GPR180: variants seen among roughly 807,000 people sequenced by gnomAD.
The protein encoded by GPR180 is integral membrane protein GPR180.
A neutral mutation model predicts 52.6 loss-of-function variants in GPR180; 53 were observed. The observed-to-expected ratio is 1.01, with a 90% confidence interval of 0.81 to 1.27. GPR180 has a LOEUF of 1.27. Ranked by LOEUF, GPR180 falls within the 50% of genes most tolerant of loss-of-function variation. The pLI, the probability that GPR180 is intolerant of heterozygous loss-of-function variation, is 0.00. For synonymous variants in GPR180, 200 were observed against 193.1 expected (o/e 1.04, Z -0.30); for missense variants, 533 against 527.0 (o/e 1.01, Z -0.11).
chr13:94,605,649 A>C (rs1889619934), intron 2 of GPR180, 100 bp downstream of exon 2: 4 of 944,098 alleles, frequency 4.2e-6, no homozygotes, highest in South Asian at 1.9e-5. Flanking sequence ...TCCTGACAGC[A>C]TAATCCCACT....
chr13:94,630,175 G>A lies in GPR180; in HGVS notation c.*3004G>A, dbSNP rs1889976249. ...TTTTCCTCTGTGATCTGAAAGTAGT[G>A]TGGTAGAAGCACCGTAGCTTGATTT... On this transcript the variant is annotated 3_prime_UTR_variant, in exon 9 of 9. Coordinates refer to ENST00000376958, the MANE Select transcript of GPR180 (RefSeq NM_180989.6). The A allele has an allele frequency of 6.6e-6, 1 of 152,204 alleles. No individual in the cohort carries two copies. The highest frequency in any genetic ancestry group is 6.5e-5 in the Admixed American group (1 of 15,288). 9.4% of individuals were successfully genotyped at this position (152,204 alleles called of 1,614,324 possible).
intron 3 of GPR180, among the ~76,000 whole-genome samples, chr13:94,616,623 A>G (rs1382015027): frequency 6.6e-6 from 1 of 152,362 alleles, no homozygotes; most frequent in East Asian, 1.9e-4. Flanking sequence ...GCTCATTAAG[A>G]GTATTTTTCT....
At chr13:94,624,079 A>G (rs1889891520) in intron 7 of GPR180, among the ~76,000 whole-genome samples, 1 of 152,172 alleles carries the variant, frequency 6.6e-6, no homozygotes, top group Admixed American at 6.5e-5. Flanking sequence ...CCCCATCCAC[A>G]TGAGATCGTG....
At chr13:94,609,457 T>A (rs1362411935) in intron 2 of GPR180, among the ~76,000 whole-genome samples, 1 of 152,198 alleles carries the variant, frequency 6.6e-6, no homozygotes, top group African/African-American at 2.4e-5. Flanking sequence ...TGAAGCATAC[T>A]TTTATTTCTG....
At position 94,611,871 on chromosome 13, in the gene GPR180, G is replaced by A. The variant is rs538620190; in HGVS notation, c.305-319G>A. Among the ~76,000 whole-genome samples, 5 of 144,402 alleles carry A rather than the reference G, an allele frequency of 3.5e-5. No homozygotes were observed. In the South Asian group the frequency reaches 8.7e-4, roughly 25 times the overall value. 94.7% of individuals were successfully genotyped at this position (144,402 alleles called of 152,430 possible). On this transcript the variant is annotated intron_variant, in intron 2 of 8. Coordinates refer to ENST00000376958, the MANE Select transcript of GPR180 (RefSeq NM_180989.6). ...AGGCCCCTCCCATCGCTCCCAATACGAATGTGAAAACCAAAAAGAAAAAAA... is the reference window on the plus strand; with the variant it reads ...AGGCCCCTCCCATCGCTCCCAATACAAATGTGAAAACCAAAAAGAAAAAAA...
In GPR180 at chr13:94,628,529, TAAA is replaced by T. The variant is rs1594481629; in HGVS notation, c.*1361_*1363del. ...ATAGTTAAAATAATGTAGTGCAACT[TAAA>T]AATATCTATGGCTTTGTTTTTGTTT... On this transcript the variant is annotated 3_prime_UTR_variant, in exon 9 of 9. Coordinates refer to ENST00000376958, the MANE Select transcript of GPR180 (RefSeq NM_180989.6). The T allele has an allele frequency of 2.0e-5, 3 of 152,112 alleles. No individual in the cohort carries two copies. The highest frequency in any genetic ancestry group is 6.5e-5 in the Admixed American group (1 of 15,274). The allele number at this position is 152,112 out of a possible 1,614,324, so 9.4% of individuals were successfully genotyped here.
chr13:94,621,073 A>G lies in GPR180; in HGVS notation c.737-5A>G. On this transcript the variant is annotated splice_region_variant and splice_polypyrimidine_tract_variant and intron_variant, in intron 5 of 8. Coordinates refer to ENST00000376958, the MANE Select transcript of GPR180 (RefSeq NM_180989.6). Reference sequence around the variant, plus strand: ...TGGTTGACGTTGGTTTTCATGTCCCATTAGTTTTTGACATCGCTTCCCAAA... The same window carrying G: ...TGGTTGACGTTGGTTTTCATGTCCCGTTAGTTTTTGACATCGCTTCCCAAA... 1 of 1,600,476 alleles carries G rather than the reference A, an allele frequency of 6.2e-7. No individual in the cohort carries two copies. The highest frequency in any genetic ancestry group is 1.1e-5 in the South Asian group (1 of 87,776).
At position 94,631,083 on chromosome 13, in the gene GPR180, G is replaced by C. The variant is rs553316279; in HGVS notation, c.*3912G>C. 1.6e-4 allele frequency: 24 copies of C among 152,262 alleles called. No individual in the cohort carries two copies. The highest frequency in any genetic ancestry group is 5.9e-5 in the Non-Finnish European group (4 of 68,084). 9.4% of individuals were successfully genotyped at this position (152,262 alleles called of 1,614,324 possible). A position where few individuals can be genotyped will look rare whatever the true frequency, so the allele number is the denominator to read the frequency against. ...AACAGCCAGGCCCACAGGAACACCA[G>C]TTCCTGCCGGAATGGCTCCTTCAGC... is the stretch of plus-strand genomic sequence containing the variant. On this transcript the variant is annotated 3_prime_UTR_variant, in exon 9 of 9. Coordinates refer to ENST00000376958, the MANE Select transcript of GPR180 (RefSeq NM_180989.6).
At position 94,623,268 on chromosome 13, in the gene GPR180, C is replaced by T; in HGVS notation, c.1054C>T (p.Leu352Phe). ...YQIITVERST[L>F]KREFYITFAK... ...GATCATCACAGTGGAGAGAAGTACA[C>T]TCAAAAGGGAGTTCTACATCACATT... The change falls in exon 7 of 9, where the codon CTC (leucine) becomes TTC (phenylalanine). Residue 352 changes from leucine to phenylalanine, a missense_variant. Coordinates refer to ENST00000376958, the MANE Select transcript of GPR180 (RefSeq NM_180989.6). 1 of 1,613,298 alleles carries T rather than the reference C, an allele frequency of 6.2e-7. No individual in the cohort carries two copies. Among genetic ancestry groups the T allele is most frequent in the Non-Finnish European group, 8.5e-7 (1 of 1,179,654 alleles).
intron 3 of GPR180, among the ~76,000 whole-genome samples, chr13:94,618,078 C>T (rs1267071665): frequency 6.6e-6 from 1 of 152,206 alleles, no homozygotes; most frequent in Non-Finnish European, 1.5e-5. Context: ...CTAGAGGCTG[C>T]TCTAATGACT....
Position 94,601,957 on chromosome 13 carries a change from C to G in GPR180, c.30C>G (p.Ala10=). The change falls in exon 1 of 9, where the codon GCC becomes GCG. Residue 10 remains alanine (A), a synonymous_variant. Transcript: ENST00000376958. MGGLRLLAV[A]LTCCWWPQGS... ...GGGGGCTGCGGCTGCTGGCTGTGGCCCTCACGTGCTGCTGGTGGCCGCAGG... is the reference window on the plus strand; with the variant it reads ...GGGGGCTGCGGCTGCTGGCTGTGGCGCTCACGTGCTGCTGGTGGCCGCAGG... 6.7e-7 allele frequency: 1 copy of G among 1,498,890 alleles called. No homozygotes were observed. The highest frequency in any genetic ancestry group is 1.3e-5 in the South Asian group (1 of 79,184). 92.8% of individuals were successfully genotyped at this position (1,498,890 alleles called of 1,614,324 possible).
chr13:94,627,248 T>TC lies in GPR180; in HGVS notation c.*78dup, dbSNP rs1423708934. On this transcript the variant is annotated 3_prime_UTR_variant, in exon 9 of 9. Coordinates refer to ENST00000376958, the MANE Select transcript of GPR180 (RefSeq NM_180989.6). ...GGATCCAAATACAGTGACTTTTTTTTCATACATTTAGTATGAAAACTTGAA... is the reference window on the plus strand; with the variant it reads ...GGATCCAAATACAGTGACTTTTTTTTCCATACATTTAGTATGAAAACTTGAA... The TC allele has an allele frequency of 1.5e-6, 2 of 1,295,172 alleles. No homozygotes were observed. Among genetic ancestry groups the TC allele is most frequent in the African/African-American group, 1.5e-5 (1 of 66,738 alleles). The allele number at this position is 1,295,172 out of a possible 1,614,324, so 80.2% of individuals were successfully genotyped here.
chr13:94,619,987 C>T (rs763254611), intron 5 of GPR180, among the ~76,000 whole-genome samples: 8 of 152,116 alleles, frequency 5.3e-5, no homozygotes, highest in Admixed American at 6.5e-5. Context: ...CTCCCAAAGT[C>T]CTGGAATTAC....
intron 1 of GPR180, 35 bp downstream of exon 1, chr13:94,602,107 G>A (rs1889562943): frequency 1.5e-6 from 2 of 1,292,778 alleles, no homozygotes; most frequent in Non-Finnish European, 2.0e-6. Context: ...ATGAAGGCGC[G>A]CTGGCCCATC....
At chr13:94,615,423 A>G (rs572713071) in intron 3 of GPR180, among the ~76,000 whole-genome samples, 8 of 152,346 alleles carry the variant, frequency 5.3e-5, no homozygotes, top group Admixed American at 3.3e-4. Flanking sequence ...GATAGTTGCA[A>G]TTAATGTTAC....
intron 3 of GPR180, among the ~76,000 whole-genome samples, chr13:94,618,143 T>TC (rs1889801846): frequency 6.6e-6 from 1 of 152,220 alleles, no homozygotes; most frequent in Non-Finnish European, 1.5e-5. Flanking sequence ...CAGCCATCTG[T>TC]CTTTCCTCAC....
At chr13:94,609,363 G>C (rs1889673428) in intron 2 of GPR180, among the ~76,000 whole-genome samples, 1 of 152,126 alleles carries the variant, frequency 6.6e-6, no homozygotes, top group Non-Finnish European at 1.5e-5. Flanking sequence ...CAGAAACAAT[G>C]AACACACAGT....
chr13:94,608,993 C>T (rs1015820986), intron 2 of GPR180, among the ~76,000 whole-genome samples: 3 of 152,128 alleles, frequency 2.0e-5, no homozygotes, highest in Admixed American at 6.5e-5. Context: ...GCAAACAAGA[C>T]ATTTGAAAGC....
In GPR180 at chr13:94,632,419, C is replaced by T. The variant is rs1034512136; in HGVS notation, c.*5248C>T. 5 of 152,294 alleles carry T rather than the reference C, an allele frequency of 3.3e-5. No individual in the cohort carries two copies. Among genetic ancestry groups the T allele is most frequent in the Non-Finnish European group, 7.3e-5 (5 of 68,030 alleles). 9.4% of individuals were successfully genotyped at this position (152,294 alleles called of 1,614,324 possible). A position where few individuals can be genotyped will look rare whatever the true frequency, so the allele number is the denominator to read the frequency against. ...ATAGCATAACATACAGACTTTTGCA[C>T]ATTCAGCAATTTATTCTGTAGCCTT... On this transcript the variant is annotated 3_prime_UTR_variant, in exon 9 of 9. Transcript: ENST00000376958.
Sources: gnomAD v4.1 joint callset for allele counts (sites outside exome capture counted in the v4.1 genomes callset) on GRCh38, gnomAD v4.1.1 for gene constraint, MANE v1.5 for transcripts, NCBI Gene and HGNC (gene_info 2026-07-23, HGNC 2026-07-21) for gene names.